Variants in NPR1 observed in about 807,000 individuals in gnomAD.
NPR1 encodes the protein natriuretic peptide receptor 1, also known as atrial natriuretic peptide receptor 1.
In NPR1, 57 loss-of-function variants were observed where a neutral mutation model predicts 116.9. The ratio of observed to expected loss-of-function variants is 0.49; its 90% CI spans 0.39 to 0.61. The LOEUF (loss-of-function observed/expected upper bound fraction) is 0.61, where lower values mean the gene tolerates loss of function less well. Ranked by LOEUF, NPR1 falls within the 20% of genes least tolerant of loss-of-function variation. The probability of loss-of-function intolerance (pLI) is 0.00; values close to 1 mark genes in which losing one functional copy is unlikely to be tolerated. For synonymous variants in NPR1, 555 were observed against 601.6 expected, an observed-to-expected ratio of 0.92 and a Z score of 1.13; for missense variants, 1,096 against 1,409.8, an observed-to-expected ratio of 0.78 and a Z score of 3.56.
chr1:153,679,372 G>C lies in NPR1; in HGVS notation c.264G>C (p.Ala88=). 1.9e-6 allele frequency: 3 copies of C among 1,539,840 alleles called. No individual in the cohort carries two copies. Among genetic ancestry groups the C allele is most frequent in the South Asian group, 1.2e-5 (1 of 84,184 alleles). The change falls in exon 1 of 22, where the codon GCG becomes GCC. Residue 88 remains alanine, a synonymous_variant. Transcript: ENST00000368680. The surrounding 1 kb of genome is among the most constrained non-coding windows in gnomAD (Gnocchi z 4.2). The part of the protein sequence containing the change: ...VRTVLGSSEN[A]LGVCSDTAAP... Reference sequence around the variant, plus strand: ...CGGTGCTGGGCAGCAGCGAAAACGCGCTGGGCGTCTGCTCCGACACCGCAG... The same window carrying C: ...CGGTGCTGGGCAGCAGCGAAAACGCCCTGGGCGTCTGCTCCGACACCGCAG...
In NPR1 at chr1:153,683,447, G is replaced by C; in HGVS notation, c.1335G>C (p.Leu445=). The C allele has an allele frequency of 6.2e-7, 1 of 1,614,154 alleles. No homozygotes were observed. The highest frequency in any genetic ancestry group is 8.5e-7 in the Non-Finnish European group (1 of 1,180,018). The stretch of plus-strand genomic sequence containing the variant: ...CGGGGCGCAAACTGAACTGGCCCCT[G>C]GGGTACCCTCCTCCTGACATCCCCA... ...AVSGRKLNWP[L]GYPPPDIPKC... Residue 445 remains leucine, a synonymous_variant, in exon 6 of 22, where the codon CTG becomes CTC. Transcript: ENST00000368680.
intron 14 of NPR1, 59 bp downstream of exon 14, chr1:153,687,848 G>A (rs1266866529): frequency 1.1e-5 from 17 of 1,516,526 alleles, no homozygotes; most frequent in Non-Finnish European, 1.5e-5. Context: ...CCAGCCCCAG[G>A]GAGAGGGTCC....
intron 5 of NPR1, 23 bp from the exon 6 acceptor site, chr1:153,683,353 C>T (rs772320980): frequency 2.3e-5 from 37 of 1,610,228 alleles, no homozygotes; most frequent in Non-Finnish European, 3.1e-5. Context: ...CCTGGCCTAG[C>T]CACCACTCCT....
chr1:153,683,927 C>G, intron 7 of NPR1, 103 bp downstream of exon 7: 1 of 992,474 alleles, frequency 1.0e-6, no homozygotes, highest in Non-Finnish European at 1.6e-6. Context: ...GGTGAAGGGG[C>G]ACCAGGGGAA....
chr1:153,684,386 CTTTTT>C (rs58272090), intron 7 of NPR1, among the ~76,000 whole-genome samples: 1,976 of 88,990 alleles, frequency 0.022, 27 homozygotes, highest in African/African-American at 0.079. Flanking sequence ...TTCTTTCTTT[CTTTTT>C]TTTTTTTTTT....
chr1:153,686,291 A>AG (rs60349054), intron 10 of NPR1, 91 bp downstream of exon 10: 95,337 of 1,240,874 alleles, frequency 0.077, 5,095 homozygotes, highest in African/African-American at 0.22. Flanking sequence ...GAGGGACCTC[A>AG]GGGTACCCCA....
At position 153,690,978 on chromosome 1, in the gene NPR1, G is replaced by A. The variant is rs61806721; in HGVS notation, c.3031+596G>A. Among the ~76,000 whole-genome samples, 451 of 139,236 alleles carry A rather than the reference G, an allele frequency of 3.2e-3. 1 individual carries two copies. The highest frequency in any genetic ancestry group is 7.5e-3 in the Middle Eastern group (2 of 268). The allele number at this position is 139,236 out of a possible 152,430, so 91.3% of individuals were successfully genotyped here. On this transcript the variant is annotated intron_variant, in intron 20 of 21. Transcript: ENST00000368680. The stretch of plus-strand genomic sequence containing the variant: ...AAAAAAAAAAAAAAAAAGACCCTCT[G>A]CTCCACCTTTGATGTGGTAAAGATG...
rs915385345 is a variant in NPR1, at chr1:153,689,735, C to T, written c.2758-71C>T. On this transcript the variant is annotated intron_variant, in intron 18 of 21. Coordinates refer to ENST00000368680, the MANE Select transcript of NPR1 (RefSeq NM_000906.4). This position sits in a 1 kb window ranked among gnomAD's most constrained non-coding sequence, Gnocchi z 5.1. Reference sequence around the variant, plus strand: ...AGGGTACAGAATGACAGACGCTGCACCCGGTGTGACGGTGTGGCCGGCCGC... The same window carrying T: ...AGGGTACAGAATGACAGACGCTGCATCCGGTGTGACGGTGTGGCCGGCCGC... 5.8e-5 allele frequency: 82 copies of T among 1,423,486 alleles called. No homozygotes were observed. The highest frequency in any genetic ancestry group is 7.0e-5 in the Non-Finnish European group (74 of 1,056,656). The allele number at this position is 1,423,486 out of a possible 1,614,324, so 88.2% of individuals were successfully genotyped here. A position where few individuals can be genotyped will look rare whatever the true frequency, so the allele number is the denominator to read the frequency against.
Position 153,685,900 on chromosome 1 carries a change from A to C in NPR1, c.1680+20A>C, listed in dbSNP as rs757864094. ...TATAAGGTGGGCCTGGGGAAAGATC[A>C]CTGGGCCTTGGGACTGGGGCAGGAG... On this transcript the variant is annotated intron_variant, in intron 9 of 21. Coordinates refer to ENST00000368680, the MANE Select transcript of NPR1 (RefSeq NM_000906.4). 3 of 1,605,746 alleles carry C rather than the reference A, an allele frequency of 1.9e-6. No homozygotes were observed. Among genetic ancestry groups the C allele is most frequent in the Admixed American group, 3.3e-5 (2 of 59,998 alleles).
intron 1 of NPR1, among the ~76,000 whole-genome samples, 186 bp from the exon 2 acceptor site, chr1:153,680,315 C>T (rs77994061): frequency 2.0e-5 from 3 of 149,720 alleles, no homozygotes; most frequent in Admixed American, 2.0e-4. Context: ...GCCCCGCACC[C>T]GCCCGTTCCA....
intron 13 of NPR1, 57 bp from the exon 14 acceptor site, chr1:153,687,577 C>A: frequency 6.5e-7 from 1 of 1,534,698 alleles, no homozygotes; most frequent in South Asian, 1.3e-5. Flanking sequence ...CTTGTTTCCC[C>A]CTCACCCCTT....
At chr1:153,682,634 C>T (rs569156986) in intron 5 of NPR1, 45 bp downstream of exon 5, 2 of 1,415,030 alleles carry the variant, frequency 1.4e-6, no homozygotes, top group South Asian at 2.3e-5. Flanking sequence ...CAAATGACAT[C>T]TCACCCTCCT....
At chr1:153,683,272 G>C in intron 5 of NPR1, 104 bp from the exon 6 acceptor site, 1 of 1,336,886 alleles carries the variant, frequency 7.5e-7, no homozygotes, top group South Asian at 1.5e-5. Context: ...TATATATGTA[G>C]GCTCTAGAAG....
In NPR1 at chr1:153,679,969, G is replaced by A. The variant is rs886128724; in HGVS notation, c.721+140G>A. 5 of 1,193,338 alleles carry A rather than the reference G, an allele frequency of 4.2e-6. No individual in the cohort carries two copies. The highest frequency in any genetic ancestry group is 1.5e-5 in the African/African-American group (1 of 64,548). 73.9% of individuals were successfully genotyped at this position (1,193,338 alleles called of 1,614,324 possible). On this transcript the variant is annotated intron_variant, in intron 1 of 21. Transcript: ENST00000368680. The surrounding 1 kb of genome is among the most constrained non-coding windows in gnomAD (Gnocchi z 4.2). ...TTCTTCATTCTACTTTCAGCTCCCTGGCCCTTTCTACAGCTGAGTTTCTAT... is the reference window on the plus strand; with the variant it reads ...TTCTTCATTCTACTTTCAGCTCCCTAGCCCTTTCTACAGCTGAGTTTCTAT...
rs775816170 is a variant in NPR1 at position 153,693,914 on chromosome 1, G to A, written c.*500G>A. The A allele has an allele frequency of 4.5e-5, 18 of 397,630 alleles. No individual in the cohort carries two copies. Among genetic ancestry groups the A allele is most frequent in the Non-Finnish European group, 7.5e-5 (17 of 226,072 alleles). The allele number at this position is 397,630 out of a possible 1,614,324, so 24.6% of individuals were successfully genotyped here. ...AGACACAGTGCACAGGGGAGAAGAG[G>A]GGTGGCGCAGAAGGGTTGGGGGCCT... On this transcript the variant is annotated 3_prime_UTR_variant, in exon 22 of 22. Coordinates refer to ENST00000368680, the MANE Select transcript of NPR1 (RefSeq NM_000906.4).
At position 153,688,064 on chromosome 1, in the gene NPR1, C is replaced by A. The variant is rs1463468058; in HGVS notation, c.2260C>A (p.Arg754=). Residue 754 remains arginine (R), a synonymous_variant, in exon 15 of 22, where the codon CGG becomes AGG. Coordinates refer to ENST00000368680, the MANE Select transcript of NPR1 (RefSeq NM_000906.4). ...CCCCCCCAATACAGAGATCATCGAGCGGGTGACTCGGGGTGAGCAGCCCCC... is the reference window on the plus strand; with the variant it reads ...CCCCCCCAATACAGAGATCATCGAGAGGGTGACTCGGGGTGAGCAGCCCCC... ...LDLSPKEIIE[R]VTRGEQPPFR... 7 of 1,608,030 alleles carry A rather than the reference C, an allele frequency of 4.4e-6. No homozygotes were observed.
intron 19 of NPR1, 88 bp downstream of exon 19, chr1:153,690,068 A>G (rs1415519920): frequency 1.6e-6 from 1 of 643,918 alleles, no homozygotes; most frequent in African/African-American, 3.3e-5. Context: ...TCGCCCTTTC[A>G]TCTCTCTCTC....
intron 5 of NPR1, 125 bp from the exon 6 acceptor site, chr1:153,683,251 G>A: frequency 8.7e-7 from 1 of 1,147,918 alleles, no homozygotes; most frequent in South Asian, 1.6e-5. Flanking sequence ...GTAAGCAGGT[G>A]ACAACCCAGA....
At chr1:153,686,779 C>G in intron 11 of NPR1, 29 bp downstream of exon 11, 1 of 1,594,828 alleles carries the variant, frequency 6.3e-7, no homozygotes, top group Non-Finnish European at 8.6e-7. Flanking sequence ...GTCAAGAAAC[C>G]TGGGTTCTAG....
Sources: allele counts gnomAD v4.1 joint callset (sites outside exome capture counted in the v4.1 genomes callset), GRCh38; gene constraint gnomAD v4.1.1; non-coding constraint Gnocchi (gnomAD v3.1); transcripts MANE v1.5; gene names NCBI Gene and HGNC (gene_info 2026-07-23, HGNC 2026-07-21).